Variants in NRDC observed in about 807,000 individuals in gnomAD.
NRDC encodes the protein nardilysin convertase.
A neutral mutation model predicts 147.1 loss-of-function variants in NRDC; 54 were observed. That is an observed-to-expected ratio of 0.37 (90% CI 0.29 to 0.46). NRDC has a LOEUF of 0.46. Ranked by LOEUF, NRDC falls within the 20% of genes least tolerant of loss-of-function variation. NRDC has a pLI of 1.00. For missense variants in NRDC, 1,082 were observed against 1,370.6 expected (o/e 0.79, Z 3.33); for synonymous variants, 440 against 482.1 (o/e 0.91, Z 1.14).
intron 18 of NRDC, 118 bp downstream of exon 18, chr1:51,806,676 C>T: frequency 9.4e-7 from 1 of 1,067,400 alleles, no homozygotes; most frequent in Non-Finnish European, 1.4e-6. Flanking sequence ...AGGCACCCAG[C>T]CCCAGCCTCC....
chr1:51,870,855 T>A (rs1357276685), intron 1 of NRDC, among the ~76,000 whole-genome samples: 2 of 152,146 alleles, frequency 1.3e-5, no homozygotes, highest in Non-Finnish European at 2.9e-5. Flanking sequence ...TATTACTGTC[T>A]GTATCTTCAA....
intron 2 of NRDC, among the ~76,000 whole-genome samples, chr1:51,838,581 T>G (rs574745587): frequency 2.6e-4 from 40 of 152,274 alleles, no homozygotes; most frequent in Non-Finnish European, 2.5e-4. Flanking sequence ...TAACATGGTC[T>G]GGCTTAGAGC....
At chr1:51,831,466 G>A (rs1413426807) in intron 4 of NRDC, among the ~76,000 whole-genome samples, 1 of 152,084 alleles carries the variant, frequency 6.6e-6, no homozygotes, top group African/African-American at 2.4e-5. Flanking sequence ...TAAAGATGCA[G>A]TTTTCTTCAA....
chr1:51,822,607 C>G (rs1243542863), intron 7 of NRDC, among the ~76,000 whole-genome samples: 1 of 152,178 alleles, frequency 6.6e-6, no homozygotes, highest in Non-Finnish European at 1.5e-5. Context: ...GCTCTTATAT[C>G]TGCCATCATA....
intron 2 of NRDC, 61 bp downstream of exon 2, chr1:51,840,165 C>G: frequency 7.4e-7 from 1 of 1,358,390 alleles, no homozygotes; most frequent in Non-Finnish European, 1.0e-6. Context: ...AAAAATAAAG[C>G]TTGAGTTTAG....
At chr1:51,848,468 G>A (rs997333098) in intron 1 of NRDC, among the ~76,000 whole-genome samples, 3 of 152,060 alleles carry the variant, frequency 2.0e-5, no homozygotes, top group East Asian at 1.9e-4. Flanking sequence ...ATGACAGAGC[G>A]AGACTCCGTC....
intron 17 of NRDC, among the ~76,000 whole-genome samples, chr1:51,807,146 C>T (rs560287283): frequency 3.7e-4 from 56 of 152,300 alleles, no homozygotes; most frequent in African/African-American, 1.3e-3. Flanking sequence ...GGTTGCTACA[C>T]ATTCTGCTTC....
intron 11 of NRDC, among the ~76,000 whole-genome samples, chr1:51,815,173 C>A (rs1192240012): frequency 2.4e-5 from 2 of 83,482 alleles, no homozygotes. Context: ...ATTTTGCTTA[C>A]CTTTTTTTCT....
intron 24 of NRDC, 99 bp downstream of exon 24, chr1:51,794,373 T>C (rs1057359031): frequency 4.1e-6 from 5 of 1,214,588 alleles, no homozygotes; most frequent in Non-Finnish European, 5.8e-6. Context: ...GCCCCAAGCA[T>C]GAAACTACAG....
intron 18 of NRDC, among the ~76,000 whole-genome samples, chr1:51,806,540 G>T (rs1359414806): frequency 1.3e-5 from 2 of 152,200 alleles, no homozygotes; most frequent in Non-Finnish European, 2.9e-5. Flanking sequence ...TCAAACGGAA[G>T]GGGAAAAGGA....
chr1:51,814,153 G>A (rs1679851057), intron 13 of NRDC, 64 bp from the exon 14 acceptor site: 2 of 995,606 alleles, frequency 2.0e-6, no homozygotes, highest in Non-Finnish European at 3.2e-6. Flanking sequence ...AGGGAGAAGG[G>A]CGGGAGGAGG....
intron 15 of NRDC, among the ~76,000 whole-genome samples, chr1:51,810,994 T>C (rs1375572393): frequency 1.3e-5 from 2 of 152,194 alleles, no homozygotes; most frequent in Non-Finnish European, 2.9e-5. Flanking sequence ...AGGGCCTCCT[T>C]CAGTAATCCT....
At chr1:51,790,428 T>G (rs1177283858) in intron 29 of NRDC, 105 bp downstream of exon 29, 2 of 772,862 alleles carry the variant, frequency 2.6e-6, no homozygotes, top group African/African-American at 3.4e-5. Flanking sequence ...GGACTAGTGT[T>G]TCGAGTTTCT....
intron 1 of NRDC, among the ~76,000 whole-genome samples, chr1:51,861,330 C>CTT (rs34875207): frequency 0.018 from 1,773 of 98,280 alleles, 99 homozygotes; most frequent in South Asian, 0.076. Context: ...ATCTCTTCTT[C>CTT]TTCTTTTTTT....
chr1:51,855,490 A>G (rs1161130388), intron 1 of NRDC, among the ~76,000 whole-genome samples: 1 of 151,392 alleles, frequency 6.6e-6, no homozygotes, highest in Admixed American at 6.6e-5. Context: ...GCCCTTATAA[A>G]GAAAAAAAAA....
Position 51,819,842 on chromosome 1 carries a change from T to C in NRDC, c.1249A>G (p.Thr417Ala), listed in dbSNP as rs770421102. The change falls in exon 9 of 31, where the codon ACG (threonine) becomes GCG (alanine). Residue 417 changes from threonine to alanine, a missense_variant. Around this residue, in one of 3 missense-constraint regions of NRDC, gnomAD observed 635 missense variants for 923.8 expected, o/e 0.69. Coordinates refer to ENST00000352171, the MANE Select transcript of NRDC (RefSeq NM_001101662.2). Reference sequence around the variant, plus strand: ...AATGCTGGTGTGTCAAATGGATCCGTTAAATGGCCAAAGTTTGGTCTGGGT... The same window carrying C: ...AATGCTGGTGTGTCAAATGGATCCGCTAAATGGCCAAAGTTTGGTCTGGGT... Reference protein sequence around the residue: ...GLPRPNFGHLTDPFDTPAFNK... With the variant: ...GLPRPNFGHLADPFDTPAFNK... 6.2e-7 allele frequency: 1 copy of C among 1,608,300 alleles called. No individual in the cohort carries two copies. Among genetic ancestry groups the C allele is most frequent in the Non-Finnish European group, 8.5e-7 (1 of 1,177,138 alleles).
chr1:51,846,694 CCAA>C (rs1681628885), intron 1 of NRDC, among the ~76,000 whole-genome samples: 1 of 152,248 alleles, frequency 6.6e-6, no homozygotes, highest in South Asian at 2.1e-4. Flanking sequence ...AAAGTGAACA[CCAA>C]CAAGATTTAT....
rs201274654 is a variant in NRDC at position 51,852,141 on chromosome 1, C to A, written c.342-11627G>T. Among the ~76,000 whole-genome samples, 3 of 152,084 alleles carry A rather than the reference C, an allele frequency of 2.0e-5. No individual in the cohort carries two copies. The East Asian group carries it at 5.8e-4, about 29-fold the overall frequency. ...TGGTCTGTACTCCATTTATGGCTGA[C>A]GAAATTTTCCTCTCTTTAAGCTGTC... is the stretch of plus-strand genomic sequence containing the variant. On this transcript the variant is annotated intron_variant, in intron 1 of 30. Coordinates refer to ENST00000352171, the MANE Select transcript of NRDC (RefSeq NM_001101662.2).
intron 1 of NRDC, among the ~76,000 whole-genome samples, chr1:51,863,365 G>A (rs538593184): frequency 2.6e-5 from 4 of 152,066 alleles, no homozygotes; most frequent in African/African-American, 9.6e-5. Context: ...TTGCACTGCT[G>A]TACTCCAGCC....
Sources: gnomAD v4.1 joint callset for allele counts (sites outside exome capture counted in the v4.1 genomes callset) on GRCh38, gnomAD v4.1.1 for gene constraint, gnomAD v4.1.1 regional missense constraint, MANE v1.5 for transcripts, NCBI Gene and HGNC (gene_info 2026-07-23, HGNC 2026-07-21) for gene names.